SLC24A2: variants seen among roughly 807,000 people sequenced by gnomAD.
The protein encoded by SLC24A2 is sodium/potassium/calcium exchanger 2.
Under a neutral mutation model 62.0 loss-of-function variants are expected in SLC24A2, and 36 were observed. The observed-to-expected ratio is 0.58, with a 90% CI of 0.44 to 0.77. The LOEUF (loss-of-function observed/expected upper bound fraction) is 0.77, where lower values mean the gene tolerates loss of function less well. Ranked by LOEUF, SLC24A2 falls within the 30% of genes least tolerant of loss-of-function variation. The pLI, the probability that SLC24A2 is intolerant of heterozygous loss-of-function variation, is 0.00. For synonymous variants in SLC24A2, 358 were observed against 294.0 expected (o/e 1.22, Z -2.23); for missense variants, 846 against 817.9 (o/e 1.03, Z -0.42).
chr9:19,623,773 T>C (rs1817966288), intron 2 of SLC24A2, among the ~76,000 whole-genome samples: 1 of 152,236 alleles, frequency 6.6e-6, no homozygotes, highest in Non-Finnish European at 1.5e-5. Flanking sequence ...CTGGAGTCAA[T>C]ACCAATGTGT....
the SLC24A2 span, among the ~76,000 whole-genome samples, chr9:19,991,422 T>A: frequency 4.6e-5 from 7 of 152,190 alleles, no homozygotes; most frequent in East Asian, 3.8e-4. Flanking sequence ...CCTACCCAGA[T>A]TGAAGGTGGG....
At chr9:19,641,872 T>C (rs2118083297) in intron 2 of SLC24A2, among the ~76,000 whole-genome samples, 1 of 152,344 alleles carries the variant, frequency 6.6e-6, no homozygotes, top group African/African-American at 2.4e-5. Context: ...TTACTGCTTA[T>C]TTCTTTTCTT....
At chr9:19,795,106 G>A in the SLC24A2 span, among the ~76,000 whole-genome samples, 1 of 152,166 alleles carries the variant, frequency 6.6e-6, no homozygotes, top group Admixed American at 6.5e-5. Flanking sequence ...AAATTGAAAG[G>A]AATGTCACTA....
chr9:19,695,331 T>A (rs1820156658), intron 2 of SLC24A2, among the ~76,000 whole-genome samples: 1 of 152,120 alleles, frequency 6.6e-6, no homozygotes, highest in Non-Finnish European at 1.5e-5. Context: ...CACACAGGAC[T>A]TCCAAAGGCT....
chr9:20,015,744 C>T, the SLC24A2 span, among the ~76,000 whole-genome samples: 1 of 152,214 alleles, frequency 6.6e-6, no homozygotes, highest in Non-Finnish European at 1.5e-5. Context: ...ATAATGATAG[C>T]AGAGCTAACC....
chr9:19,764,785 G>A (rs1388484446), intron 2 of SLC24A2, among the ~76,000 whole-genome samples: 3 of 152,148 alleles, frequency 2.0e-5, no homozygotes, highest in Non-Finnish European at 4.4e-5. Context: ...TTGATCTGGG[G>A]TGGAGAGTTC....
the SLC24A2 span, among the ~76,000 whole-genome samples, chr9:20,271,743 C>G: frequency 6.6e-6 from 1 of 152,026 alleles, no homozygotes; most frequent in Admixed American, 6.6e-5. Context: ...TTTACTTGGA[C>G]TCCGTTTTGT....
intron 5 of SLC24A2, among the ~76,000 whole-genome samples, chr9:19,582,937 C>T (rs531047205): frequency 1.6e-4 from 25 of 152,208 alleles, no homozygotes; most frequent in Non-Finnish European, 3.1e-4. Context: ...CCAACCAGCA[C>T]CAAGTCACAT....
At chr9:20,031,373 ATAATTT>A in the SLC24A2 span, among the ~76,000 whole-genome samples, 1 of 122,358 alleles carries the variant, frequency 8.2e-6, no homozygotes, top group Non-Finnish European at 1.7e-5. Context: ...ATATATATAT[ATAATTT>A]TTTTCTGTAC....
chr9:19,515,869 T>G lies in SLC24A2; in HGVS notation c.*284A>C. On this transcript the variant is annotated 3_prime_UTR_variant, in exon 11 of 11. Coordinates refer to ENST00000341998, the MANE Select transcript of SLC24A2 (RefSeq NM_020344.4). ...CCTGTGTCCTTGTTTGCATCGACTG[T>G]ACCTCCGACCAGCGAGGTGTACTTG... 1 of 440,292 alleles carries G rather than the reference T, an allele frequency of 2.3e-6. No homozygotes were observed. Among genetic ancestry groups the G allele is most frequent in the African/African-American group, 2.0e-5 (1 of 49,980 alleles). The allele number at this position is 440,292 out of a possible 1,614,324, so 27.3% of individuals were successfully genotyped here. A position where few individuals can be genotyped will look rare whatever the true frequency, so the allele number is the denominator to read the frequency against.
intron 2 of SLC24A2, among the ~76,000 whole-genome samples, chr9:19,741,297 A>G (rs1044040532): frequency 4.6e-5 from 7 of 152,188 alleles, no homozygotes; most frequent in African/African-American, 1.7e-4. Flanking sequence ...GGGGAGCTAG[A>G]GGGAAGTGGG....
At chr9:19,516,768 C>G (rs957124443) in intron 10 of SLC24A2, among the ~76,000 whole-genome samples, 1 of 152,008 alleles carries the variant, frequency 6.6e-6, no homozygotes, top group Admixed American at 6.6e-5. Flanking sequence ...CCAGGATTTG[C>G]ACAGGGTGAA....
At chr9:20,074,555 C>CAGGAAGGA in the SLC24A2 span, among the ~76,000 whole-genome samples, 546 of 87,354 alleles carry the variant, frequency 6.3e-3, 11 homozygotes, top group African/African-American at 0.023. Flanking sequence ...GAGAAGAAGG[C>CAGGAAGGA]AGGAAGGAAG....
chr9:19,985,442 GA>G, the SLC24A2 span, among the ~76,000 whole-genome samples: 1 of 152,120 alleles, frequency 6.6e-6, no homozygotes, highest in Admixed American at 6.6e-5. Flanking sequence ...TGACTTATAT[GA>G]ATCTCAAAAG....
the SLC24A2 span, among the ~76,000 whole-genome samples, chr9:20,076,849 TAC>T: frequency 4.1e-5 from 2 of 48,774 alleles, no homozygotes; most frequent in East Asian, 6.9e-4. Flanking sequence ...GATATATATA[TAC>T]ATATCATATG....
the SLC24A2 span, among the ~76,000 whole-genome samples, chr9:19,994,693 TG>T: frequency 6.6e-6 from 1 of 152,162 alleles, no homozygotes. Context: ...TCTGCATATG[TG>T]AGGATCGGAC....
At chr9:20,010,717 G>A in the SLC24A2 span, among the ~76,000 whole-genome samples, 4 of 151,490 alleles carry the variant, frequency 2.6e-5, no homozygotes, top group African/African-American at 7.3e-5. Context: ...GCGTTAACTC[G>A]TCATTTACAT....
chr9:19,612,812 G>T (rs1210520512), intron 4 of SLC24A2, among the ~76,000 whole-genome samples: 3 of 152,186 alleles, frequency 2.0e-5, no homozygotes, highest in Non-Finnish European at 4.4e-5. Flanking sequence ...AGGATTTCAA[G>T]TCTAGCCTGG....
At chr9:20,095,456 T>C in the SLC24A2 span, among the ~76,000 whole-genome samples, 1 of 152,248 alleles carries the variant, frequency 6.6e-6, no homozygotes, top group South Asian at 2.1e-4. Flanking sequence ...TTGCCTTTTC[T>C]ATTGTGGATG....
Sources: gnomAD v4.1 joint callset for allele counts (sites outside exome capture counted in the v4.1 genomes callset) on GRCh38, gnomAD v4.1.1 for gene constraint, MANE v1.5 for transcripts, NCBI Gene and HGNC (gene_info 2026-07-23, HGNC 2026-07-21) for gene names.